NUBP2: variants seen among roughly 807,000 people sequenced by gnomAD.
NUBP2 encodes cytosolic Fe-S cluster assembly factor NUBP2.
A neutral mutation model predicts 24.9 loss-of-function variants in NUBP2; 23 were observed. The observed-to-expected ratio is 0.92, with a 90% CI of 0.66 to 1.31. The LOEUF (loss-of-function observed/expected upper bound fraction) is 1.31, where lower values mean the gene tolerates loss of function less well. Among genes scored for constraint, NUBP2 ranks in the 50% most tolerant of loss-of-function variants. The pLI, the probability that NUBP2 is intolerant of heterozygous loss-of-function variation, is 0.00. For synonymous variants in NUBP2, 186 were observed against 170.9 expected, an observed-to-expected ratio of 1.09 and a Z score of -0.69; for missense variants, 403 against 386.5, an observed-to-expected ratio of 1.04 and a Z score of -0.36.
chr16:1,788,457 G>T, intron 6 of NUBP2, 112 bp from the exon 7 acceptor site: 2 of 1,393,336 alleles, frequency 1.4e-6, no homozygotes, highest in African/African-American at 2.9e-5. Context: ...AAATCGTCTG[G>T]CAGCGCCTCA....
At chr16:1,785,937 C>T (rs1424822820) in intron 1 of NUBP2, 1 of 1,262,556 alleles carries the variant, frequency 7.9e-7, no homozygotes, top group Non-Finnish European at 1.0e-6. Flanking sequence ...GGTATCTGCA[C>T]ACAGCAGCCC....
chr16:1,783,045 C>T lies in NUBP2; in HGVS notation c.16+9C>T, dbSNP rs1896795452. On this transcript the variant is annotated intron_variant, in intron 1 of 6. Transcript: ENST00000262302. ...GATGGAGGCGGCGGCCGGTGAGTGG[C>T]GGGCCAGGGTGCGGAGCCGCTCCAG... is the stretch of plus-strand genomic sequence containing the variant. The T allele has an allele frequency of 5.9e-6, 8 of 1,351,186 alleles. No homozygotes were observed. The highest frequency in any genetic ancestry group is 7.6e-6 in the Non-Finnish European group (8 of 1,046,890). The allele number at this position is 1,351,186 out of a possible 1,614,324, so 83.7% of individuals were successfully genotyped here.
At position 1,788,803 on chromosome 16, in the gene NUBP2, G is replaced by T. The variant is rs36016470; in HGVS notation, c.*89G>T. ...ACAGAGGCCTGGGCTCGGTTCCCGG[G>T]CCCTGCAGGGGCAGGCCCAGGCAGC... On this transcript the variant is annotated 3_prime_UTR_variant, in exon 7 of 7. Transcript: ENST00000262302. The T allele has an allele frequency of 3.8e-4, 556 of 1,455,974 alleles. 1 individual carries two copies. The highest frequency in any genetic ancestry group is 4.9e-4 in the Non-Finnish European group (535 of 1,098,832). 90.2% of individuals were successfully genotyped at this position (1,455,974 alleles called of 1,614,324 possible). A position where few individuals can be genotyped will look rare whatever the true frequency, so the allele number is the denominator to read the frequency against.
At chr16:1,783,419 C>T (rs1233347216) in intron 1 of NUBP2, 1 of 1,024,954 alleles carries the variant, frequency 9.8e-7, no homozygotes. Context: ...AAATCACACG[C>T]GCGCAGTCAT....
rs529727196 is a variant in NUBP2 at position 1,786,629 on chromosome 16, C to T, written c.109C>T (p.Leu37=). The T allele has an allele frequency of 6.2e-7, 1 of 1,612,844 alleles. No homozygotes were observed. The highest frequency in any genetic ancestry group is 1.1e-5 in the South Asian group (1 of 91,088). Residue 37 remains leucine (L), a synonymous_variant, in exon 2 of 7, where the codon CTG becomes TTG. Transcript: ENST00000262302. ...AAGCACCATCTCCACGGAGCTGGCC[C>T]TGGCACTGCGCCATGCAGGCAAGAA... is the stretch of plus-strand genomic sequence containing the variant. ...GKSTISTELA[L]ALRHAGKKVG...
Position 1,782,984 on chromosome 16 carries a change from A to C in NUBP2, c.-37A>C. ...TGGGAGGCTGACGGCCCGCGGGCGT[A>C]AGCGGACTGCAGCCGCGAGCTCCTG... On this transcript the variant is annotated 5_prime_UTR_variant, in exon 1 of 7. Transcript: ENST00000262302. 2.1e-6 allele frequency: 3 copies of C among 1,402,214 alleles called. No homozygotes were observed. Among genetic ancestry groups the C allele is most frequent in the Non-Finnish European group, 2.8e-6 (3 of 1,076,734 alleles). 86.9% of individuals were successfully genotyped at this position (1,402,214 alleles called of 1,614,324 possible).
chr16:1,785,206 C>T, intron 1 of NUBP2: 1 of 1,007,270 alleles, frequency 9.9e-7, no homozygotes, highest in Non-Finnish European at 1.2e-6. Flanking sequence ...TCCTGCACTT[C>T]CAGCCCCACT....
At chr16:1,784,031 AG>A (rs1193686191) in intron 1 of NUBP2, 1 of 984,916 alleles carries the variant, frequency 1.0e-6, no homozygotes, top group African/African-American at 1.8e-5. Context: ...AGCCTGGAAA[AG>A]CCTGTCCTTA....
In NUBP2 at chr16:1,787,966, G is replaced by A. The variant is rs143322275; in HGVS notation, c.515G>A (p.Arg172His). The A allele has an allele frequency of 2.5e-5, 40 of 1,604,862 alleles. No individual in the cohort carries two copies. The highest frequency in any genetic ancestry group is 3.1e-5 in the Non-Finnish European group (36 of 1,177,416). The change falls in exon 5 of 7, where the codon CGC becomes CAC. Residue 172 changes from arginine to histidine, a missense_variant. Physicochemically the swap from Arg to His is conservative, Grantham distance 29 (BLOSUM62 0). Coordinates refer to ENST00000262302, the MANE Select transcript of NUBP2 (RefSeq NM_012225.4). The stretch of plus-strand genomic sequence containing the variant: ...GCGGTGTCCGTGGGGGACGTGAGGC[G>A]CGAGCTGACCTTCTGTAGGAAGACG... ...PQAVSVGDVR[R>H]ELTFCRKTGL...
intron 1 of NUBP2, among the ~76,000 whole-genome samples, chr16:1,783,686 A>AC (rs2141997680): frequency 6.6e-6 from 1 of 152,230 alleles, no homozygotes; most frequent in South Asian, 2.1e-4. Context: ...CAGATTAGAA[A>AC]CCGAGTGCTG....
At chr16:1,787,320 C>T (rs1897022163) in intron 3 of NUBP2, 2 of 416,250 alleles carry the variant, frequency 4.8e-6, no homozygotes, top group Non-Finnish European at 8.7e-6. Context: ...GAGTGAGGCG[C>T]AGGCTGTGGG....
intron 1 of NUBP2, chr16:1,785,670 C>G (rs760431903): frequency 1.6e-6 from 2 of 1,288,926 alleles, no homozygotes; most frequent in Non-Finnish European, 2.0e-6. Context: ...TTTTCCGCGT[C>G]CCCTGGAGGA....
chr16:1,787,562 A>G, intron 3 of NUBP2, 115 bp from the exon 4 acceptor site: 2 of 1,372,142 alleles, frequency 1.5e-6, no homozygotes, highest in Middle Eastern at 2.6e-4. Flanking sequence ...GCTGGTGGCA[A>G]GTGACACCTG....
chr16:1,785,463 G>T, intron 1 of NUBP2: 2 of 1,188,108 alleles, frequency 1.7e-6, no homozygotes, highest in Non-Finnish European at 2.1e-6. Flanking sequence ...ACTGATGGCA[G>T]CATGGCAGTC....
At chr16:1,786,109 T>C in intron 1 of NUBP2, 1 of 614,024 alleles carries the variant, frequency 1.6e-6, no homozygotes, top group Non-Finnish European at 2.3e-6. Flanking sequence ...CTGGGCCCTC[T>C]GCTGCCTCTG....
Position 1,788,776 on chromosome 16 carries a change from A to G in NUBP2, c.*62A>G. The stretch of plus-strand genomic sequence containing the variant: ...AGGGCTCTGCTCCAGCCTCTCAGAG[A>G]AACAGAGGCCTGGGCTCGGTTCCCG... On this transcript the variant is annotated 3_prime_UTR_variant, in exon 7 of 7. Coordinates refer to ENST00000262302, the MANE Select transcript of NUBP2 (RefSeq NM_012225.4). 6.5e-7 allele frequency: 1 copy of G among 1,540,380 alleles called. No homozygotes were observed. The highest frequency in any genetic ancestry group is 1.2e-5 in the South Asian group (1 of 81,546).
intron 1 of NUBP2, chr16:1,786,043 G>A: frequency 8.7e-7 from 1 of 1,152,920 alleles, no homozygotes; most frequent in Non-Finnish European, 1.1e-6. Flanking sequence ...GCACATTGCA[G>A]GGACCGAGAG....
chr16:1,785,362 G>T, intron 1 of NUBP2: 1 of 1,135,034 alleles, frequency 8.8e-7, no homozygotes, highest in Non-Finnish European at 1.1e-6. Flanking sequence ...ATTTACCATG[G>T]TGCTCAGCCC....
Position 1,785,504 on chromosome 16 carries a change from C to T in NUBP2, c.17-1033C>T, listed in dbSNP as rs550238962. 45 of 1,195,464 alleles carry T rather than the reference C, an allele frequency of 3.8e-5. No homozygotes were observed. The African/African-American group carries it at 6.5e-4, about 17-fold the overall frequency. The allele number at this position is 1,195,464 out of a possible 1,614,324, so 74.1% of individuals were successfully genotyped here. On this transcript the variant is annotated intron_variant, in intron 1 of 6. Transcript: ENST00000262302. ...CCAGGCCTGACAGAGTCCCCGGCAG[C>T]TACAGAAGTGCATGCTCCCTCTCTG... is the stretch of plus-strand genomic sequence containing the variant.
Sources: gnomAD v4.1 joint callset for allele counts (sites outside exome capture counted in the v4.1 genomes callset) on GRCh38, gnomAD v4.1.1 for gene constraint, MANE v1.5 for transcripts, NCBI Gene and HGNC (gene_info 2026-07-23, HGNC 2026-07-21) for gene names.